Variants in PRKACB observed in about 807,000 individuals in gnomAD.
PRKACB encodes protein kinase cAMP-activated catalytic subunit beta.
Under a neutral mutation model 51.4 loss-of-function variants are expected in PRKACB, and 16 were observed. The observed-to-expected ratio is 0.31, with a 90% CI of 0.21 to 0.47. The LOEUF is 0.47. Among genes scored for constraint, PRKACB ranks in the 20% least tolerant of loss-of-function variants. PRKACB has a pLI of 1.00. For missense variants in PRKACB, 309 were observed against 464.5 expected (o/e 0.67, Z 3.08); for synonymous variants, 147 against 154.4 (o/e 0.95, Z 0.35).
intron 1 of PRKACB, among the ~76,000 whole-genome samples, chr1:84,168,902 C>A (rs1658443653): frequency 6.6e-6 from 1 of 151,516 alleles, no homozygotes; most frequent in Admixed American, 6.6e-5. Context: ...ACATAGAAGG[C>A]ATCACTACCA....
intron 1 of PRKACB, among the ~76,000 whole-genome samples, chr1:84,103,795 C>G (rs942898912): frequency 2.0e-5 from 3 of 152,182 alleles, no homozygotes; most frequent in Non-Finnish European, 4.4e-5. Flanking sequence ...CCTGCCCAAC[C>G]TCACAGAGCC....
At chr1:84,133,479 A>G (rs1652464683) in intron 1 of PRKACB, among the ~76,000 whole-genome samples, 1 of 152,182 alleles carries the variant, frequency 6.6e-6, no homozygotes, top group Non-Finnish European at 1.5e-5. Flanking sequence ...AAACTGTATA[A>G]AGTAACAGTA....
At chr1:84,112,325 T>C (rs1650304174) in intron 1 of PRKACB, among the ~76,000 whole-genome samples, 1 of 149,808 alleles carries the variant, frequency 6.7e-6, no homozygotes, top group Admixed American at 6.7e-5. Context: ...CTCCACTTCC[T>C]GGGTTCAAGC....
chr1:84,131,606 T>C (rs1157398205), intron 1 of PRKACB, among the ~76,000 whole-genome samples: 1 of 152,282 alleles, frequency 6.6e-6, no homozygotes, highest in East Asian at 1.9e-4. Flanking sequence ...AATCAGTGTT[T>C]TGTTGTTTTC....
chr1:84,081,139 C>T (rs1557893962), intron 1 of PRKACB, among the ~76,000 whole-genome samples: 1 of 152,098 alleles, frequency 6.6e-6, no homozygotes, highest in African/African-American at 2.4e-5. Context: ...TCAGTTAGCA[C>T]CAAGCTTCAG....
chr1:84,227,686 A>T (rs1010206720), intron 9 of PRKACB, among the ~76,000 whole-genome samples: 1 of 151,660 alleles, frequency 6.6e-6, no homozygotes, highest in Non-Finnish European at 1.5e-5. Context: ...ACACTGTAAC[A>T]TACAGATTGT....
At chr1:84,082,709 C>T (rs1169552880) in intron 1 of PRKACB, among the ~76,000 whole-genome samples, 1 of 152,188 alleles carries the variant, frequency 6.6e-6, no homozygotes, top group Non-Finnish European at 1.5e-5. Flanking sequence ...CTACTAGCCA[C>T]ATGTCTGTTG....
intron 9 of PRKACB, among the ~76,000 whole-genome samples, chr1:84,216,710 C>G (rs190667714): frequency 6.6e-4 from 101 of 152,240 alleles, no homozygotes; most frequent in Middle Eastern, 6.8e-3. Context: ...ATAAGTGATA[C>G]CATTTTCCCC....
intron 8 of PRKACB, among the ~76,000 whole-genome samples, chr1:84,208,008 C>T (rs1479989477): frequency 1.3e-5 from 2 of 152,132 alleles, no homozygotes; most frequent in Admixed American, 1.3e-4. Flanking sequence ...GCTGGGACTA[C>T]AGGCATGTGC....
intron 1 of PRKACB, among the ~76,000 whole-genome samples, chr1:84,130,067 G>A (rs1422094913): frequency 1.3e-5 from 2 of 151,926 alleles, no homozygotes; most frequent in Non-Finnish European, 2.9e-5. Context: ...GGGTGTGGTG[G>A]CGGGCACCTG....
chr1:84,206,073 A>C (rs947423632), intron 8 of PRKACB, among the ~76,000 whole-genome samples: 4 of 152,176 alleles, frequency 2.6e-5, no homozygotes, highest in African/African-American at 9.6e-5. Context: ...TTTATATTGC[A>C]GTCAAAAATT....
At chr1:84,134,551 C>T (rs1285026623) in intron 1 of PRKACB, among the ~76,000 whole-genome samples, 2 of 152,122 alleles carry the variant, frequency 1.3e-5, no homozygotes, top group South Asian at 2.1e-4. Context: ...AAAATGAATA[C>T]TGCAAACTGC....
chr1:84,158,238 A>G (rs1005983684), intron 1 of PRKACB, among the ~76,000 whole-genome samples: 8 of 151,868 alleles, frequency 5.3e-5, no homozygotes, highest in East Asian at 1.9e-4. Context: ...GGGTTTTACT[A>G]TGTTGGCCAG....
intron 4 of PRKACB, among the ~76,000 whole-genome samples, 188 bp downstream of exon 4, chr1:84,184,323 T>C (rs987797647): frequency 6.6e-6 from 1 of 151,838 alleles, no homozygotes; most frequent in Non-Finnish European, 1.5e-5. Context: ...AGGTTTTGAT[T>C]CTCCCTGGGG....
At chr1:84,120,824 A>G (rs1307939868) in intron 1 of PRKACB, among the ~76,000 whole-genome samples, 1 of 152,022 alleles carries the variant, frequency 6.6e-6, no homozygotes, top group Admixed American at 6.6e-5. Flanking sequence ...TCAGTGAAAT[A>G]GGGTGGTGAT....
At chr1:84,088,690 C>T (rs1001688431) in intron 1 of PRKACB, among the ~76,000 whole-genome samples, 2 of 152,146 alleles carry the variant, frequency 1.3e-5, no homozygotes, top group Non-Finnish European at 2.9e-5. Context: ...AGCCATAGTT[C>T]AATTCATAGA....
intron 1 of PRKACB, among the ~76,000 whole-genome samples, chr1:84,104,225 T>C (rs998698465): frequency 5.3e-5 from 8 of 152,156 alleles, no homozygotes; most frequent in South Asian, 4.1e-4. Context: ...TGAGAACATA[T>C]GGTATTTTTC....
At chr1:84,117,538 A>G (rs1049072019) in intron 1 of PRKACB, among the ~76,000 whole-genome samples, 9 of 152,006 alleles carry the variant, frequency 5.9e-5, no homozygotes, top group Admixed American at 1.3e-4. Flanking sequence ...AGTAAGTTGT[A>G]TGTTTCCAGG....
At position 84,144,454 on chromosome 1, in the gene PRKACB, T is replaced by C. The variant is rs778733280; in HGVS notation, c.93T>C (p.His31=). Residue 31 remains histidine, a synonymous_variant, in exon 1 of 10, where the codon CAT becomes CAC. Transcript: ENST00000370685. ...AAGGTTTTGCTAGCCGGTTATTTCA[T>C]AGACACTCTAAAGGTACTGCACATG... The part of the protein sequence containing the change: ...KLEGFASRLF[H]RHSKGTAHDQ... 1.1e-5 allele frequency: 18 copies of C among 1,613,340 alleles called. No individual in the cohort carries two copies. The highest frequency in any genetic ancestry group is 1.7e-5 in the Admixed American group (1 of 59,838).
Sources: gnomAD v4.1 joint callset for allele counts (sites outside exome capture counted in the v4.1 genomes callset) on GRCh38, gnomAD v4.1.1 for gene constraint, MANE v1.5 for transcripts, NCBI Gene and HGNC (gene_info 2026-07-23, HGNC 2026-07-21) for gene names.